THEM4: variants seen among roughly 807,000 people sequenced by gnomAD.
THEM4 encodes thioesterase superfamily member 4, also known as acyl-coenzyme A thioesterase THEM4.
A neutral mutation model predicts 25.0 loss-of-function variants in THEM4; 22 were observed. The observed-to-expected ratio is 0.88, with a 90% CI of 0.63 to 1.26. The LOEUF (loss-of-function observed/expected upper bound fraction) is 1.26. Among genes scored for constraint, THEM4 ranks in the 50% most tolerant of loss-of-function variants. The probability of loss-of-function intolerance (pLI) is 0.00; values close to 1 mark genes in which losing one functional copy is unlikely to be tolerated. For missense variants in THEM4, 286 were observed against 300.3 expected, an observed-to-expected ratio of 0.95 and a Z score of 0.35; for synonymous variants, 113 against 105.6, an observed-to-expected ratio of 1.07 and a Z score of -0.43.
Position 151,909,496 on chromosome 1 carries a change from G to A in THEM4, c.-38C>T, listed in dbSNP as rs1242191991. 2 of 1,338,360 alleles carry A rather than the reference G, an allele frequency of 1.5e-6. No individual in the cohort carries two copies. The highest frequency in any genetic ancestry group is 1.5e-5 in the African/African-American group (1 of 64,814). 82.9% of individuals were successfully genotyped at this position (1,338,360 alleles called of 1,614,324 possible). Reference sequence around the variant, plus strand: ...CGGGGCCGCGCTTGCTCTAGCCCTGGACGGCGCACTCTACCTCCGCCACAA... The same window carrying A: ...CGGGGCCGCGCTTGCTCTAGCCCTGAACGGCGCACTCTACCTCCGCCACAA... On this transcript the variant is annotated 5_prime_UTR_variant, in exon 1 of 6. Transcript: ENST00000368814.
intron 1 of THEM4, among the ~76,000 whole-genome samples, chr1:151,906,106 G>A (rs577695293): frequency 5.2e-5 from 8 of 152,386 alleles, no homozygotes; most frequent in Admixed American, 1.3e-4. Context: ...GGCCAGAGCC[G>A]GCTCCCTCAG....
chr1:151,902,953 A>C (rs976330626), intron 1 of THEM4, among the ~76,000 whole-genome samples: 2 of 152,176 alleles, frequency 1.3e-5, no homozygotes, highest in Non-Finnish European at 2.9e-5. Flanking sequence ...GCACCACTGC[A>C]CTCCAGTCCG....
chr1:151,899,827 A>G (rs1654313132), intron 1 of THEM4, among the ~76,000 whole-genome samples: 2 of 152,220 alleles, frequency 1.3e-5, no homozygotes, highest in African/African-American at 4.8e-5. Flanking sequence ...TTCATCACAA[A>G]AAGATCTGCA....
At chr1:151,883,563 G>A (rs1402184795) in intron 4 of THEM4, among the ~76,000 whole-genome samples, 2 of 151,820 alleles carry the variant, frequency 1.3e-5, no homozygotes, top group Non-Finnish European at 2.9e-5. Context: ...TTTGGGTGGC[G>A]ACACAAAGCC....
intron 4 of THEM4, among the ~76,000 whole-genome samples, chr1:151,880,070 T>C (rs991409570): frequency 3.3e-5 from 5 of 152,006 alleles, no homozygotes; most frequent in Non-Finnish European, 5.9e-5. Context: ...CATTGCAGCC[T>C]TGAACCCCTG....
At chr1:151,878,891 T>TAC (rs55900104) in intron 4 of THEM4, among the ~76,000 whole-genome samples, 3,213 of 138,576 alleles carry the variant, frequency 0.023, 79 homozygotes, top group African/African-American at 0.049. Flanking sequence ...TATATGTCTA[T>TAC]ACACACACAC....
At position 151,895,060 on chromosome 1, in the gene THEM4, T is replaced by A. The variant is rs762493849; in HGVS notation, c.234A>T (p.Ser78=). The A allele has an allele frequency of 1.9e-6, 3 of 1,614,180 alleles. No homozygotes were observed. The highest frequency in any genetic ancestry group is 2.5e-6 in the Non-Finnish European group (3 of 1,180,034). The change falls in exon 2 of 6, where the codon TCA becomes TCT. Residue 78 remains serine, a synonymous_variant. Coordinates refer to ENST00000368814, the MANE Select transcript of THEM4 (RefSeq NM_053055.5). ...CEDGSWKRLP[S]YKRTPTEWIQ... The stretch of plus-strand genomic sequence containing the variant: ...TCCATTCAGTAGGTGTACGTTTATA[T>A]GAAGGCAAACGTTTCCAGGAGCCGT...
chr1:151,900,449 C>A (rs554156365), intron 1 of THEM4, among the ~76,000 whole-genome samples: 2 of 152,230 alleles, frequency 1.3e-5, no homozygotes, highest in East Asian at 3.9e-4. Context: ...TCACCTAGCA[C>A]ATAAGGACTC....
intron 4 of THEM4, among the ~76,000 whole-genome samples, chr1:151,879,654 C>CT (rs1653767498): frequency 1.4e-5 from 2 of 145,720 alleles, no homozygotes; most frequent in African/African-American, 5.1e-5. Context: ...TCTTTCTTTT[C>CT]TTTTCTTTTT....
At chr1:151,903,595 T>G (rs1284592370) in intron 1 of THEM4, among the ~76,000 whole-genome samples, 2 of 152,236 alleles carry the variant, frequency 1.3e-5, no homozygotes, top group African/African-American at 2.4e-5. Flanking sequence ...CAGTCCTGAT[T>G]ATGTAACTTT....
At chr1:151,893,554 T>A (rs1654143390) in intron 2 of THEM4, among the ~76,000 whole-genome samples, 1 of 151,904 alleles carries the variant, frequency 6.6e-6, no homozygotes, top group Non-Finnish European at 1.5e-5. Flanking sequence ...AGCGCACAAA[T>A]GGAAGGCTTG....
chr1:151,896,362 G>A (rs1000027438), intron 1 of THEM4, among the ~76,000 whole-genome samples: 8 of 152,126 alleles, frequency 5.3e-5, no homozygotes, highest in African/African-American at 1.9e-4. Flanking sequence ...TGTATAGCCT[G>A]TAGAAATGTG....
intron 3 of THEM4, 141 bp from the exon 4 acceptor site, chr1:151,888,524 G>T: frequency 1.8e-6 from 1 of 568,578 alleles, no homozygotes; most frequent in Non-Finnish European, 3.1e-6. Context: ...TGTACTGAAT[G>T]CCAAATACTA....
intron 1 of THEM4, among the ~76,000 whole-genome samples, chr1:151,899,308 T>C (rs996268796): frequency 2.6e-5 from 4 of 152,010 alleles, no homozygotes; most frequent in Non-Finnish European, 5.9e-5. Context: ...CTGGCCAACA[T>C]GGTGAAACCC....
chr1:151,888,475 A>C (rs1654017847), intron 3 of THEM4, 92 bp from the exon 4 acceptor site: 1 of 880,572 alleles, frequency 1.1e-6, no homozygotes, highest in Admixed American at 2.6e-5. Flanking sequence ...GCATCTTCAC[A>C]CTATTTACTT....
intron 2 of THEM4, chr1:151,894,713 A>C: frequency 1.8e-6 from 1 of 555,510 alleles, no homozygotes; most frequent in South Asian, 2.4e-5. Flanking sequence ...TGACAGCCTC[A>C]AGACGGAGAG....
At chr1:151,902,134 T>C (rs888678742) in intron 1 of THEM4, among the ~76,000 whole-genome samples, 4 of 152,226 alleles carry the variant, frequency 2.6e-5, no homozygotes, top group Non-Finnish European at 5.9e-5. Flanking sequence ...AAACAGTAGA[T>C]GTTGCTGTGG....
At chr1:151,892,426 G>A (rs1290456463) in intron 2 of THEM4, among the ~76,000 whole-genome samples, 1 of 152,208 alleles carries the variant, frequency 6.6e-6, no homozygotes, top group Non-Finnish European at 1.5e-5. Context: ...GTAGAGCTGT[G>A]AGGGTAGAAG....
At chr1:151,882,174 A>C (rs1310399162) in intron 4 of THEM4, among the ~76,000 whole-genome samples, 1 of 151,872 alleles carries the variant, frequency 6.6e-6, no homozygotes, top group African/African-American at 2.4e-5. Context: ...CCAGGAGTTC[A>C]AGACCAGCAT....
Sources: gnomAD v4.1 joint callset for allele counts (sites outside exome capture counted in the v4.1 genomes callset) on GRCh38, gnomAD v4.1.1 for gene constraint, MANE v1.5 for transcripts, NCBI Gene and HGNC (gene_info 2026-07-23, HGNC 2026-07-21) for gene names.